Variants in NLK observed in about 807,000 individuals in gnomAD.
NLK encodes the protein serine/threonine-protein kinase NLK.
NLK carries 11 observed loss-of-function variants against 59.0 expected under a neutral mutation model. The observed-to-expected ratio is 0.19, with a 90% CI of 0.12 to 0.31. The LOEUF (loss-of-function observed/expected upper bound fraction) is 0.31. Among genes scored for constraint, NLK ranks in the 10% least tolerant of loss-of-function variants. The pLI is 1.00. For missense variants in NLK, 410 were observed against 661.1 expected, an observed-to-expected ratio of 0.62 and a Z score of 4.16; for synonymous variants, 235 against 235.9, an observed-to-expected ratio of 1.00 and a Z score of 0.03.
rs762807161 is a variant in NLK, at chr17:28,172,589, G to A, written c.1120G>A (p.Ala374Thr). ...GAGGACAGCTTGTGAAGGCGCTAAG[G>A]CACATATACTCAGGGGTCCTCATAA... The part of the protein sequence containing the change: ...AMRTACEGAK[A>T]HILRGPHKQP... The change falls in exon 7 of 11, where the codon GCA (alanine) becomes ACA (threonine). Residue 374 changes from alanine (A) to threonine (T), a missense_variant. Ala to Thr is a moderately conservative substitution (Grantham distance 58, BLOSUM62 0). Transcript: ENST00000407008. 2 of 1,588,270 alleles carry A rather than the reference G, an allele frequency of 1.3e-6. No homozygotes were observed. The highest frequency in any genetic ancestry group is 1.8e-5 in the Admixed American group (1 of 56,410).
At chr17:28,152,158 T>C (rs1907507072) in intron 3 of NLK, among the ~76,000 whole-genome samples, 1 of 152,232 alleles carries the variant, frequency 6.6e-6, no homozygotes, top group Non-Finnish European at 1.5e-5. Context: ...AAATGTCAGA[T>C]TTCTTTTTCT....
intron 7 of NLK, among the ~76,000 whole-genome samples, chr17:28,178,468 G>C (rs947139895): frequency 2.0e-5 from 3 of 152,182 alleles, no homozygotes; most frequent in African/African-American, 7.2e-5. Flanking sequence ...ATGAAGGGAA[G>C]TATAGCTGCC....
intron 3 of NLK, among the ~76,000 whole-genome samples, chr17:28,149,953 C>T (rs1907413091): frequency 1.3e-5 from 2 of 152,124 alleles, no homozygotes; most frequent in Admixed American, 1.3e-4. Context: ...TCTGATTTTG[C>T]TTGAAGCCTG....
intron 1 of NLK, among the ~76,000 whole-genome samples, chr17:28,111,709 G>A (rs981578642): frequency 1.3e-5 from 2 of 152,148 alleles, no homozygotes; most frequent in African/African-American, 4.8e-5. Flanking sequence ...CCCCACTGAG[G>A]TGTAGCCAAC....
chr17:28,175,291 C>CAA (rs199656478), intron 7 of NLK, among the ~76,000 whole-genome samples: 1 of 141,134 alleles, frequency 7.1e-6, no homozygotes, highest in Non-Finnish European at 1.6e-5. Flanking sequence ...TAAAAAAATA[C>CAA]AAAAAAAAAA....
intron 1 of NLK, among the ~76,000 whole-genome samples, chr17:28,070,518 T>TA (rs1307977219): frequency 6.6e-6 from 1 of 151,508 alleles, no homozygotes; most frequent in Non-Finnish European, 1.5e-5. Context: ...CATGCCCAGC[T>TA]AATTTTTATA....
chr17:28,079,605 T>C (rs1361898473), intron 1 of NLK, among the ~76,000 whole-genome samples: 1 of 152,192 alleles, frequency 6.6e-6, no homozygotes, highest in Non-Finnish European at 1.5e-5. Flanking sequence ...TTCCTGATGA[T>C]TAGTGAGGTT....
intron 2 of NLK, among the ~76,000 whole-genome samples, chr17:28,127,117 A>T (rs1298037223): frequency 6.6e-6 from 1 of 152,192 alleles, no homozygotes; most frequent in Non-Finnish European, 1.5e-5. Context: ...GTCTTTAGAC[A>T]ATAACACTAA....
chr17:28,161,652 A>T (rs1483977507), intron 4 of NLK, among the ~76,000 whole-genome samples: 1 of 152,214 alleles, frequency 6.6e-6, no homozygotes, highest in Admixed American at 6.5e-5. Context: ...TCCATCCTGC[A>T]AGCCAACAGT....
chr17:28,128,280 A>G (rs948336848), intron 2 of NLK, among the ~76,000 whole-genome samples: 2 of 152,222 alleles, frequency 1.3e-5, no homozygotes, highest in Non-Finnish European at 2.9e-5. Flanking sequence ...TTCTATTAAC[A>G]TTAATGTTAA....
intron 10 of NLK, among the ~76,000 whole-genome samples, chr17:28,192,462 A>G (rs1567743260): frequency 6.6e-6 from 1 of 152,196 alleles, no homozygotes; most frequent in Non-Finnish European, 1.5e-5. Flanking sequence ...TGAGGTCTGG[A>G]GTTCAAGACC....
chr17:28,107,003 C>T (rs915182426), intron 1 of NLK, among the ~76,000 whole-genome samples: 1 of 152,060 alleles, frequency 6.6e-6, no homozygotes, highest in African/African-American at 2.4e-5. Flanking sequence ...CTTTTTTTAA[C>T]TTTAAAAACT....
intron 7 of NLK, among the ~76,000 whole-genome samples, chr17:28,174,669 A>G (rs1908602460): frequency 6.6e-6 from 1 of 152,200 alleles, no homozygotes; most frequent in Non-Finnish European, 1.5e-5. Context: ...AAATAAACCT[A>G]GCATATTGCC....
chr17:28,055,861 T>G (rs1416939600), intron 1 of NLK, among the ~76,000 whole-genome samples: 1 of 152,220 alleles, frequency 6.6e-6, no homozygotes, highest in African/African-American at 2.4e-5. Flanking sequence ...TTTTTCTGAT[T>G]AACTCCAACT....
chr17:28,174,800 C>G (rs1381293835), intron 7 of NLK, among the ~76,000 whole-genome samples: 1 of 152,068 alleles, frequency 6.6e-6, no homozygotes, highest in Non-Finnish European at 1.5e-5. Flanking sequence ...CTTAAGCCAC[C>G]AATCAGATTC....
At chr17:28,136,422 C>T (rs960939018) in intron 3 of NLK, among the ~76,000 whole-genome samples, 102 of 152,114 alleles carry the variant, frequency 6.7e-4, no homozygotes, top group Non-Finnish European at 1.9e-4. Flanking sequence ...ATACCTATAG[C>T]AGCCACAGGA....
chr17:28,045,975 C>T (rs765803313), intron 1 of NLK, among the ~76,000 whole-genome samples: 3 of 152,196 alleles, frequency 2.0e-5, no homozygotes, highest in African/African-American at 4.8e-5. Context: ...ATAAGATTCA[C>T]TTAATTCAAA....
chr17:28,171,990 GAATAGGATAAATAGA>G (rs1239854091), intron 6 of NLK, among the ~76,000 whole-genome samples: 4 of 151,410 alleles, frequency 2.6e-5, no homozygotes, highest in East Asian at 3.9e-4. Context: ...GAATAAATAG[GAATAGGATAAATAGA>G]AATAGGATAA....
chr17:28,162,930 A>T (rs1363993818), intron 4 of NLK, among the ~76,000 whole-genome samples: 1 of 151,736 alleles, frequency 6.6e-6, no homozygotes, highest in East Asian at 1.9e-4. Context: ...AAAAAAAAAA[A>T]GAAAAGAAAA....
Sources: allele counts gnomAD v4.1 joint callset (sites outside exome capture counted in the v4.1 genomes callset), GRCh38; gene constraint gnomAD v4.1.1; transcripts MANE v1.5; gene names NCBI Gene and HGNC (gene_info 2026-07-23, HGNC 2026-07-21).